The following FOSL1 variants were observed in gnomAD, a reference collection of about 807,000 sequenced individuals.
The protein encoded by FOSL1 is fos-related antigen 1.
FOSL1 carries 14 observed loss-of-function variants against 24.9 expected under a neutral mutation model. The ratio of observed to expected loss-of-function variants is 0.56; its 90% confidence interval spans 0.37 to 0.88. The LOEUF (loss-of-function observed/expected upper bound fraction) is 0.88, where lower values mean the gene tolerates loss of function less well. FOSL1 is among the 40% of genes least tolerant of loss of function. FOSL1 has a pLI of 0.00. For missense variants in FOSL1, 318 were observed against 359.8 expected (o/e 0.88, Z 0.94); for synonymous variants, 133 against 145.1 (o/e 0.92, Z 0.60).
chr11:65,900,393 G>C, upstream of FOSL1: 1 of 990,864 alleles, frequency 1.0e-6, no homozygotes, highest in Non-Finnish European at 1.3e-6. Context: ...TGACTCACCC[G>C]CGCCGTGCGG....
Position 65,900,311 on chromosome 11 carries a change from G to A in FOSL1, c.29C>T (p.Pro10Leu), listed in dbSNP as rs1267637559. 2 of 1,244,076 alleles carry A rather than the reference G, an allele frequency of 1.6e-6. No individual in the cohort carries two copies. The highest frequency in any genetic ancestry group is 2.0e-6 in the Non-Finnish European group (2 of 994,160). 77.1% of individuals were successfully genotyped at this position (1,244,076 alleles called of 1,614,324 possible). A position where few individuals can be genotyped will look rare whatever the true frequency, so the allele number is the denominator to read the frequency against. Residue 10 changes from proline to leucine, a missense_variant, in exon 1 of 4, where the codon CCG (proline) becomes CTG (leucine). By Grantham distance (98) the Pro-to-Leu change is moderately conservative. Transcript: ENST00000312562. ...GTACCCGCCGCCGTTCCCGGAGCTC[G>A]GGCCGGGTTCCCCGAAGTCTCGGAA... MFRDFGEPG[P>L]SSGNGGGYGG...
At chr11:65,900,156 C>T (rs1860636238) in intron 1 of FOSL1, 85 bp downstream of exon 1, 1 of 665,006 alleles carries the variant, frequency 1.5e-6, no homozygotes, top group African/African-American at 1.9e-5. Context: ...CGGTTCCCCG[C>T]TCCAGTCCCG....
chr11:65,900,084 C>T (rs1311876581), intron 1 of FOSL1, among the ~76,000 whole-genome samples, 157 bp downstream of exon 1: 5 of 152,150 alleles, frequency 3.3e-5, no homozygotes, highest in Non-Finnish European at 7.4e-5. Context: ...GCGGTGGGGG[C>T]AACTGGCCCC....
In FOSL1 at chr11:65,892,542, G is replaced by A. The variant is rs1326907223; in HGVS notation, c.*344C>T. 1 of 521,024 alleles carries A rather than the reference G, an allele frequency of 1.9e-6. No homozygotes were observed. The highest frequency in any genetic ancestry group is 3.7e-6 in the Non-Finnish European group (1 of 269,698). The allele number at this position is 521,024 out of a possible 1,614,324, so 32.3% of individuals were successfully genotyped here. ...GGGTGGATCACAGGAAGAGGGTGATGGAGAGTGTGGCAGTGATCTGGAAGG... is the reference window on the plus strand; with the variant it reads ...GGGTGGATCACAGGAAGAGGGTGATAGAGAGTGTGGCAGTGATCTGGAAGG... On this transcript the variant is annotated 3_prime_UTR_variant, in exon 4 of 4. Coordinates refer to ENST00000312562, the MANE Select transcript of FOSL1 (RefSeq NM_005438.5).
chr11:65,892,318 T>G lies in FOSL1; in HGVS notation c.*568A>C, dbSNP rs1860404284. The G allele has an allele frequency of 4.1e-6, 1 of 246,664 alleles. No homozygotes were observed. The highest frequency in any genetic ancestry group is 2.3e-5 in the African/African-American group (1 of 43,428). 15.3% of individuals were successfully genotyped at this position (246,664 alleles called of 1,614,324 possible). On this transcript the variant is annotated 3_prime_UTR_variant, in exon 4 of 4. Transcript: ENST00000312562. ...GCTGCCCTCGCTGTGGAGGCTTGGA[T>G]TCCCTGGAGCTGAAGGCTTCTCAAA... is the stretch of plus-strand genomic sequence containing the variant.
intron 2 of FOSL1, among the ~76,000 whole-genome samples, chr11:65,896,285 T>C (rs894146772): frequency 8.5e-5 from 13 of 152,156 alleles, no homozygotes; most frequent in African/African-American, 2.7e-4. Flanking sequence ...TGTGCCTTCA[T>C]TTCTTTGGTG....
In FOSL1 at chr11:65,896,947, C is replaced by G. The variant is rs772755652; in HGVS notation, c.159G>C (p.Met53Ile). 6.2e-7 allele frequency: 1 copy of G among 1,614,128 alleles called. No homozygotes were observed. Among genetic ancestry groups the G allele is most frequent in the Non-Finnish European group, 8.5e-7 (1 of 1,179,980 alleles). The part of the protein sequence containing the change: ...TMSGSQELQW[M>I]VQPHFLGPSS... ...TGGGCCCCAGGAAATGAGGCTGTAC[C>G]ATCCACTGCAGCTCCTGACTGCCAC... The change falls in exon 2 of 4, where the codon ATG becomes ATC. Residue 53 changes from methionine (M) to isoleucine (I), a missense_variant. By Grantham distance (10) the Met-to-Ile change is conservative. Transcript: ENST00000312562.
chr11:65,898,169 T>A (rs1241143913), intron 1 of FOSL1, among the ~76,000 whole-genome samples: 1 of 151,224 alleles, frequency 6.6e-6, no homozygotes, highest in South Asian at 2.1e-4. Flanking sequence ...GCCTCCCGAG[T>A]AGCTGGGACT....
rs1860540014 is a variant in FOSL1 at position 65,896,874 on chromosome 11, G to T, written c.232C>A (p.Pro78Thr). The change falls in exon 2 of 4, where the codon CCC (proline) becomes ACC (threonine). Residue 78 changes from proline (P) to threonine (T), a missense_variant. Transcript: ENST00000312562. ...AGGGCCCGGATGACTCCTGGCCGGG[G>T]TTGTGGGGGGCTGTACTGAGGGTAG... The part of the protein sequence containing the change: ...LTYPQYSPPQ[P>T]RPGVIRALGP... The T allele has an allele frequency of 1.2e-6, 2 of 1,613,786 alleles. No homozygotes were observed. Among genetic ancestry groups the T allele is most frequent in the East Asian group, 2.2e-5 (1 of 44,888 alleles).
chr11:65,894,317 G>A (rs905314560), intron 2 of FOSL1, among the ~76,000 whole-genome samples, 196 bp from the exon 3 acceptor site: 7 of 152,090 alleles, frequency 4.6e-5, no homozygotes, highest in African/African-American at 7.2e-5. Context: ...TTTCCTCCTC[G>A]CACCTAGCTT....
chr11:65,892,811 G>T lies in FOSL1; in HGVS notation c.*75C>A. ...GAGTTGGATGTGGGATACTGTCCAG[G>T]CCAGCTGGACCGGTGGGGGAAGGGG... On this transcript the variant is annotated 3_prime_UTR_variant, in exon 4 of 4. Transcript: ENST00000312562. 6.9e-7 allele frequency: 1 copy of T among 1,444,016 alleles called. No individual in the cohort carries two copies. The highest frequency in any genetic ancestry group is 9.5e-7 in the Non-Finnish European group (1 of 1,048,862). 89.5% of individuals were successfully genotyped at this position (1,444,016 alleles called of 1,614,324 possible).
intron 2 of FOSL1, among the ~76,000 whole-genome samples, chr11:65,895,811 G>A (rs1860512277): frequency 6.6e-6 from 1 of 151,978 alleles, no homozygotes; most frequent in South Asian, 2.1e-4. Context: ...TCCTCTACCT[G>A]CCGACCAAGC....
At chr11:65,897,586 C>T (rs1364436306) in intron 1 of FOSL1, among the ~76,000 whole-genome samples, 4 of 152,096 alleles carry the variant, frequency 2.6e-5, no homozygotes, top group African/African-American at 4.8e-5. Flanking sequence ...GTGATCCACC[C>T]GCCTCGGCCT....
intron 2 of FOSL1, among the ~76,000 whole-genome samples, chr11:65,895,578 A>G (rs757698544): frequency 4.6e-5 from 7 of 152,118 alleles, no homozygotes; most frequent in Non-Finnish European, 1.0e-4. Flanking sequence ...ATTTCACCAA[A>G]AGGATCCAAC....
intron 1 of FOSL1, 49 bp from the exon 2 acceptor site, chr11:65,897,055 G>A: frequency 6.9e-7 from 1 of 1,439,432 alleles, no homozygotes; most frequent in Non-Finnish European, 9.8e-7. Context: ...TGTGGATTGA[G>A]GGGCTTCCAC....
upstream of FOSL1, chr11:65,900,458 G>C (rs1268621561): frequency 2.0e-6 from 1 of 507,392 alleles, no homozygotes; most frequent in Non-Finnish European, 3.1e-6. Flanking sequence ...GCGACCGCGG[G>C]GGGTGGGGGC....
chr11:65,894,901 C>T (rs1565288365), intron 2 of FOSL1, among the ~76,000 whole-genome samples: 1 of 152,028 alleles, frequency 6.6e-6, no homozygotes, highest in Non-Finnish European at 1.5e-5. Context: ...AGGTGATCCA[C>T]CCTCCTCAGC....
At chr11:65,898,058 T>TTTTTTTTTTTG (rs1565290182) in intron 1 of FOSL1, among the ~76,000 whole-genome samples, 2 of 144,418 alleles carry the variant, frequency 1.4e-5, no homozygotes, top group South Asian at 2.3e-4. Flanking sequence ...TTTTTTTTTT[T>TTTTTTTTTTTG]GAGACACAGT....
In FOSL1 at chr11:65,892,552, GCA is replaced by G; in HGVS notation, c.*332_*333del. 1.9e-6 allele frequency: 1 copy of G among 534,684 alleles called. No homozygotes were observed. Among genetic ancestry groups the G allele is most frequent in the South Asian group, 1.5e-5 (1 of 65,240 alleles). The allele number at this position is 534,684 out of a possible 1,614,324, so 33.1% of individuals were successfully genotyped here. ...CAGGAAGAGGGTGATGGAGAGTGTGGCAGTGATCTGGAAGGGGTTAGGGCTCC... is the reference window on the plus strand; with the variant it reads ...CAGGAAGAGGGTGATGGAGAGTGTGGGTGATCTGGAAGGGGTTAGGGCTCC... On this transcript the variant is annotated 3_prime_UTR_variant, in exon 4 of 4. Transcript: ENST00000312562.
Sources: gnomAD v4.1 joint callset for allele counts (sites outside exome capture counted in the v4.1 genomes callset) on GRCh38, gnomAD v4.1.1 for gene constraint, MANE v1.5 for transcripts, NCBI Gene and HGNC (gene_info 2026-07-23, HGNC 2026-07-21) for gene names.